Variants in GZF1 observed in about 807,000 individuals in gnomAD.
GZF1 encodes the protein GDNF inducible zinc finger protein 1, also known as GDNF-inducible zinc finger protein 1.
In GZF1, 28 loss-of-function variants were observed where a neutral mutation model predicts 49.4. The ratio of observed to expected loss-of-function variants is 0.57; its 90% CI spans 0.42 to 0.78. GZF1 has a LOEUF of 0.78. Ranked by LOEUF, GZF1 falls within the 30% of genes least tolerant of loss-of-function variation. The pLI, the probability that GZF1 is intolerant of heterozygous loss-of-function variation, is 0.00. For missense variants in GZF1, 798 were observed against 916.2 expected (o/e 0.87, Z 1.67); for synonymous variants, 364 against 356.0 (o/e 1.02, Z -0.25).
Position 23,371,667 on chromosome 20 carries a change from G to C in GZF1, c.*1226G>C, listed in dbSNP as rs1219135186. 2 of 152,586 alleles carry C rather than the reference G, an allele frequency of 1.3e-5. No homozygotes were observed. Among genetic ancestry groups the C allele is most frequent in the Non-Finnish European group, 1.5e-5 (1 of 68,040 alleles). The allele number at this position is 152,586 out of a possible 1,614,324, so 9.5% of individuals were successfully genotyped here. ...CATTTGGTTCTAGGGCCTTGAGTATGTGCCACGTGCTTGTGAAATGCTATG... is the reference window on the plus strand; with the variant it reads ...CATTTGGTTCTAGGGCCTTGAGTATCTGCCACGTGCTTGTGAAATGCTATG... On this transcript the variant is annotated 3_prime_UTR_variant, in exon 6 of 6. Coordinates refer to ENST00000338121, the MANE Select transcript of GZF1 (RefSeq NM_022482.5).
chr20:23,365,766 G>A lies in GZF1; in HGVS notation c.1364+19G>A, dbSNP rs1484293265. 10 of 1,501,316 alleles carry A rather than the reference G, an allele frequency of 6.7e-6. No individual in the cohort carries two copies. Among genetic ancestry groups the A allele is most frequent in the South Asian group, 1.3e-5 (1 of 76,056 alleles). 93.0% of individuals were successfully genotyped at this position (1,501,316 alleles called of 1,614,324 possible). A position where few individuals can be genotyped will look rare whatever the true frequency, so the allele number is the denominator to read the frequency against. On this transcript the variant is annotated intron_variant, in intron 2 of 5. Transcript: ENST00000338121. The stretch of plus-strand genomic sequence containing the variant: ...ACATGAGGTACGCGGGGAGCCGTCC[G>A]GAGGGGTCCCTGCGCACTGGAAGGG...
chr20:23,370,438 A>G lies in GZF1; in HGVS notation c.2133A>G (p.Glu711=), dbSNP rs757196806. 1.9e-6 allele frequency: 3 copies of G among 1,597,358 alleles called. No homozygotes were observed. The highest frequency in any genetic ancestry group is 4.5e-5 in the East Asian group (2 of 44,816). ...PTQLHSLSNM[E] is the part of the protein sequence containing the mutation. Reference sequence around the variant, plus strand: ...AGCTTCACTCTTTGAGCAACATGGAATAAGAGCTTCAAGCAGTTCCCATCC... The same window carrying G: ...AGCTTCACTCTTTGAGCAACATGGAGTAAGAGCTTCAAGCAGTTCCCATCC... The change falls in exon 6 of 6, where the codon GAA becomes GAG. Residue 711 remains glutamate (E), a synonymous_variant. Coordinates refer to ENST00000338121, the MANE Select transcript of GZF1 (RefSeq NM_022482.5).
chr20:23,365,613 C>A lies in GZF1; in HGVS notation c.1230C>A (p.Gly410=). 6.2e-7 allele frequency: 1 copy of A among 1,606,564 alleles called. No homozygotes were observed. Among genetic ancestry groups the A allele is most frequent in the Non-Finnish European group, 8.5e-7 (1 of 1,179,434 alleles). ...HEGGGERHRC[G]QCGKGLSSKT... ...GCGGCGGCGAGCGGCACCGCTGCGG[C>A]CAGTGCGGCAAGGGCCTGAGTTCCA... The change falls in exon 2 of 6, where the codon GGC becomes GGA. Residue 410 remains glycine, a synonymous_variant. Transcript: ENST00000338121.
At chr20:23,363,458 T>C (rs1342284632) in intron 1 of GZF1, 2 of 152,290 alleles carry the variant, frequency 1.3e-5, no homozygotes, top group Admixed American at 6.5e-5. Context: ...AGTGGAAAGA[T>C]TTAGGGGCTA....
Position 23,364,493 on chromosome 20 carries a change from TGG to T in GZF1, c.111_112del (p.Glu38ValfsTer23). On this transcript the variant is annotated frameshift_variant, in exon 2 of 6. Coordinates refer to ENST00000338121, the MANE Select transcript of GZF1 (RefSeq NM_022482.5). LOFTEE classifies it high-confidence loss of function. ...CACCTGTGTGACGTGACAGTCAGCG[TGG>T]AGTATCAGGGTGTCCGCAAAGACTT... is the stretch of plus-strand genomic sequence containing the variant. 6.2e-7 allele frequency: 1 copy of T among 1,614,242 alleles called. No individual in the cohort carries two copies. The highest frequency in any genetic ancestry group is 1.7e-5 in the Admixed American group (1 of 60,028).
chr20:23,361,961 G>C (rs187942178), upstream of GZF1, among the ~76,000 whole-genome samples: 1 of 152,122 alleles, frequency 6.6e-6, no homozygotes, highest in Non-Finnish European at 1.5e-5. Context: ...GCCTTGGCTC[G>C]CGGCGGGTGA....
Position 23,364,774 on chromosome 20 carries a change from C to G in GZF1, c.391C>G (p.Gln131Glu). ...LSETCFQLKK[Q>E]MLESVLLELQ... is the part of the protein sequence containing the mutation. ...AGAAACTTGTTTTCAATTAAAGAAA[C>G]AGATGTTAGAGTCAGTACTTTTGGA... The change falls in exon 2 of 6, where the codon CAG becomes GAG. Residue 131 changes from glutamine (Q) to glutamate (E), a missense_variant. Gln to Glu is a conservative substitution (Grantham distance 29, BLOSUM62 2). This residue lies in a region of GZF1 where 247 missense variants were observed against 228.5 expected (regional missense o/e 1.08). Coordinates refer to ENST00000338121, the MANE Select transcript of GZF1 (RefSeq NM_022482.5). The G allele has an allele frequency of 6.2e-7, 1 of 1,614,258 alleles. No individual in the cohort carries two copies. Among genetic ancestry groups the G allele is most frequent in the South Asian group, 1.1e-5 (1 of 91,088 alleles).
At position 23,368,184 on chromosome 20, in the gene GZF1, T is replaced by C. The variant is rs114457891; in HGVS notation, c.1460-578T>C. The stretch of plus-strand genomic sequence containing the variant: ...AGTTAGAATTGGTCCTTTGATAATA[T>C]TAACATGGTAAGATTTTATTAAAGT... On this transcript the variant is annotated intron_variant, in intron 3 of 5. Transcript: ENST00000338121. Among the ~76,000 whole-genome samples the C allele has an allele frequency of 5.0e-3, 754 of 151,900 alleles. 8 individuals are homozygous for C. Among genetic ancestry groups the C allele is most frequent in the African/African-American group, 0.017 (717 of 41,484 alleles).
chr20:23,372,241 C>T lies in GZF1; in HGVS notation c.*1800C>T, dbSNP rs2123098640. On this transcript the variant is annotated 3_prime_UTR_variant, in exon 6 of 6. Transcript: ENST00000338121. Reference sequence around the variant, plus strand: ...AAAAAATGTTGTTAATAAATGTCTGCTTTGTAAAAGCAGTTTTGCAATTTT... The same window carrying T: ...AAAAAATGTTGTTAATAAATGTCTGTTTTGTAAAAGCAGTTTTGCAATTTT... 6.6e-6 allele frequency: 1 copy of T among 152,658 alleles called. No individual in the cohort carries two copies. Among genetic ancestry groups the T allele is most frequent in the South Asian group, 2.1e-4 (1 of 4,830 alleles). The allele number at this position is 152,658 out of a possible 1,614,324, so 9.5% of individuals were successfully genotyped here. A position where few individuals can be genotyped will look rare whatever the true frequency, so the allele number is the denominator to read the frequency against.
intron 4 of GZF1, among the ~76,000 whole-genome samples, 188 bp downstream of exon 4, chr20:23,369,117 ATG>A (rs1491523518): frequency 1.3e-5 from 2 of 152,212 alleles, no homozygotes; most frequent in African/African-American, 4.8e-5. Context: ...GGGAGCACTT[ATG>A]TGTGTAAACG....
Position 23,365,291 on chromosome 20 carries a change from A to G in GZF1, c.908A>G (p.Glu303Gly), listed in dbSNP as rs767528210. The G allele has an allele frequency of 2.5e-6, 4 of 1,606,472 alleles. No homozygotes were observed. Among genetic ancestry groups the G allele is most frequent in the Non-Finnish European group, 3.4e-6 (4 of 1,175,754 alleles). Residue 303 changes from glutamate (E) to glycine (G), a missense_variant, in exon 2 of 6, where the codon GAG becomes GGG. Coordinates refer to ENST00000338121, the MANE Select transcript of GZF1 (RefSeq NM_022482.5). ...GCAGGGCCGGAGGAGGAAGAGGAGG[A>G]GGAGGAGGAGGACGAAGAAGGGGAG... ...KKAGPEEEEE[E>G]EEEDEEGEKK...
chr20:23,371,677 C>T lies in GZF1; in HGVS notation c.*1236C>T, dbSNP rs1435822878. ...TAGGGCCTTGAGTATGTGCCACGTG[C>T]TTGTGAAATGCTATGATTCACATGT... On this transcript the variant is annotated 3_prime_UTR_variant, in exon 6 of 6. Transcript: ENST00000338121. 2.0e-5 allele frequency: 3 copies of T among 152,574 alleles called. No homozygotes were observed. Among genetic ancestry groups the T allele is most frequent in the African/African-American group, 7.2e-5 (3 of 41,450 alleles). The allele number at this position is 152,574 out of a possible 1,614,324, so 9.5% of individuals were successfully genotyped here. A position where few individuals can be genotyped will look rare whatever the true frequency, so the allele number is the denominator to read the frequency against.
intron 5 of GZF1, 129 bp downstream of exon 5, chr20:23,369,870 T>G: frequency 9.2e-7 from 1 of 1,085,602 alleles, no homozygotes. Flanking sequence ...TTGGGTTGTC[T>G]CTGCAGTGGA....
chr20:23,369,452 A>C, intron 4 of GZF1, 132 bp from the exon 5 acceptor site: 3 of 786,416 alleles, frequency 3.8e-6, no homozygotes, highest in Non-Finnish European at 6.0e-6. Context: ...TGTTCCCAAC[A>C]TAACCTTCCT....
In GZF1 at chr20:23,373,031, C is replaced by G. The variant is rs1453677790; in HGVS notation, c.*2590C>G. 6 of 152,132 alleles carry G rather than the reference C, an allele frequency of 3.9e-5. No individual in the cohort carries two copies. Among genetic ancestry groups the G allele is most frequent in the Admixed American group, 1.3e-4 (2 of 15,280 alleles). The allele number at this position is 152,132 out of a possible 1,614,324, so 9.4% of individuals were successfully genotyped here. ...TTAATTTTTAACCTGTTAAATAAAC[C>G]TTGTCCCTCCAAGGAGTTCATTTTT... On this transcript the variant is annotated 3_prime_UTR_variant, in exon 6 of 6. Transcript: ENST00000338121.
At chr20:23,361,526 G>A (rs1980655678), upstream of GZF1, among the ~76,000 whole-genome samples, 2 of 152,166 alleles carry the variant, frequency 1.3e-5, no homozygotes, top group African/African-American at 4.8e-5. Context: ...GTGCGGTCCC[G>A]GCTCCTGGCG....
In GZF1 at chr20:23,365,545, C is replaced by A. The variant is rs762202436; in HGVS notation, c.1162C>A (p.Arg388Ser). 1 of 1,613,124 alleles carries A rather than the reference C, an allele frequency of 6.2e-7. No homozygotes were observed. The highest frequency in any genetic ancestry group is 8.5e-7 in the Non-Finnish European group (1 of 1,179,720). Residue 388 changes from arginine (R) to serine (S), a missense_variant, in exon 2 of 6, where the codon CGC (arginine) becomes AGC (serine). Physicochemically the swap from Arg to Ser is moderately radical, Grantham distance 110. This residue lies in a region of GZF1 where 446 missense variants were observed against 540.1 expected (regional missense o/e 0.83). Coordinates refer to ENST00000338121, the MANE Select transcript of GZF1 (RefSeq NM_022482.5). ...PCELCGKKFK[R>S]KKDVKRHVLQ... ...CGAGCTGTGCGGGAAGAAGTTCAAGCGCAAGAAGGACGTGAAGCGGCACGT... is the reference window on the plus strand; with the variant it reads ...CGAGCTGTGCGGGAAGAAGTTCAAGAGCAAGAAGGACGTGAAGCGGCACGT...
In GZF1 at chr20:23,367,152, CAATT is replaced by C. The variant is rs1981492100; in HGVS notation, c.1459+56_1459+59del. 7.1e-6 allele frequency: 9 copies of C among 1,273,928 alleles called. No homozygotes were observed. In the South Asian group the frequency reaches 9.5e-5, roughly 13 times the overall value. 78.9% of individuals were successfully genotyped at this position (1,273,928 alleles called of 1,614,324 possible). On this transcript the variant is annotated intron_variant, in intron 3 of 5. Coordinates refer to ENST00000338121, the MANE Select transcript of GZF1 (RefSeq NM_022482.5). The stretch of plus-strand genomic sequence containing the variant: ...TCTTTCCTAGATCTAGAAGGAAATG[CAATT>C]GATTAATTTTGAAGTTGGCATCTAC...
rs368817546 is a variant in GZF1, at chr20:23,364,890, C to A, written c.507C>A (p.Thr169=). ...CTGCCCCCAGGGCAAGTGTGGCCAC[C>A]GATGGCCCTCACCCCAGTGGTCTCA... The part of the protein sequence containing the change: ...AAPAPRASVA[T]DGPHPSGLTD... The change falls in exon 2 of 6, where the codon ACC becomes ACA. Residue 169 remains threonine, a synonymous_variant. Transcript: ENST00000338121. 15 of 1,614,076 alleles carry A rather than the reference C, an allele frequency of 9.3e-6. No homozygotes were observed. In the African/African-American group the frequency reaches 1.6e-4, roughly 17 times the overall value.
Sources: allele counts gnomAD v4.1 joint callset (sites outside exome capture counted in the v4.1 genomes callset), GRCh38; gene constraint gnomAD v4.1.1; regional missense constraint gnomAD v4.1.1; transcripts MANE v1.5; gene names NCBI Gene and HGNC (gene_info 2026-07-23, HGNC 2026-07-21).